The following PDLIM2 variants were observed in gnomAD, a reference collection of about 807,000 sequenced individuals.
PDLIM2 encodes PDZ and LIM domain 2.
A neutral mutation model predicts 54.1 loss-of-function variants in PDLIM2; 51 were observed. That is an observed-to-expected ratio of 0.94 (90% CI 0.75 to 1.19). The LOEUF is 1.19. PDLIM2 is among the 50% of genes most tolerant of loss of function. The pLI is 0.00. For synonymous variants in PDLIM2, 398 were observed against 385.6 expected, an observed-to-expected ratio of 1.03 and a Z score of -0.38; for missense variants, 912 against 874.0, an observed-to-expected ratio of 1.04 and a Z score of -0.55.
At chr8:22,585,242 G>A in intron 5 of PDLIM2, 79 bp from the exon 5 acceptor site, 2 of 1,602,000 alleles carry the variant, frequency 1.2e-6, no homozygotes, top group Non-Finnish European at 1.7e-6. Context: ...CAGGAGCTCT[G>A]CTTGGGAGCC....
At chr8:22,580,569 C>A in intron 1 of PDLIM2, 1 of 1,613,570 alleles carries the variant, frequency 6.2e-7, no homozygotes, top group Non-Finnish European at 8.5e-7. Context: ...CGGCTAGGGG[C>A]ATGGACTTCA....
At position 22,591,544 on chromosome 8, in the gene PDLIM2, C is replaced by T. The variant is rs371840605; in HGVS notation, c.1514-7C>T. On this transcript the variant is annotated splice_region_variant and splice_polypyrimidine_tract_variant and intron_variant, in intron 8 of 9. Transcript: ENST00000308354. ...TCTCACCACATGTCTGTCTGCCCTG[C>T]CCCCAGGTGGCACGCCAGCCTTCTT... 3.7e-4 allele frequency: 601 copies of T among 1,611,750 alleles called. 10 individuals are homozygous for T. The South Asian group carries it at 5.4e-3, about 14-fold the overall frequency.
exon 1 of PDLIM2, chr8:22,579,055 T>TAGGGGCGGCGGC (rs1270563802): frequency 5.8e-5 from 72 of 1,248,718 alleles, no homozygotes; most frequent in Non-Finnish European, 6.5e-5. Flanking sequence ...CTTCTCGGGC[T>TAGGGGCGGCGGC]AGGGGCGGCG....
intron 8 of PDLIM2, chr8:22,590,409 A>T (rs1191383998): frequency 2.6e-5 from 4 of 152,376 alleles, no homozygotes; most frequent in Admixed American, 6.5e-5. Flanking sequence ...GAGTTTGGGG[A>T]TAGGTGGCCA....
chr8:22,596,310 C>T (rs1007771028), downstream of PDLIM2: 1 of 152,204 alleles, frequency 6.6e-6, no homozygotes, highest in African/African-American at 2.4e-5. Flanking sequence ...TTGTAGGTTC[C>T]AGCTCAAATC....
Position 22,589,612 on chromosome 8 carries a change from G to A in PDLIM2, c.1384G>A (p.Gly462Arg), listed in dbSNP as rs1394541286. 5 of 1,602,684 alleles carry A rather than the reference G, an allele frequency of 3.1e-6. No individual in the cohort carries two copies. Among genetic ancestry groups the A allele is most frequent in the Middle Eastern group, 1.6e-4 (1 of 6,064 alleles). ...ACCCTGCAGCATGGACTCGGAAGGG[G>A]GAAGCCTCCTCCTGGACGAGGACTC... Residue 462 changes from glycine to arginine, a missense_variant, in exon 8 of 10, where the codon GGA becomes AGA. Gly to Arg is a moderately radical substitution (Grantham distance 125). Coordinates refer to ENST00000308354, the Ensembl canonical transcript of PDLIM2.
At chr8:22,581,268 G>A (rs896053465) in intron 2 of PDLIM2, 111 bp from the exon 2 acceptor site, 3 of 1,386,096 alleles carry the variant, frequency 2.2e-6, no homozygotes, top group Admixed American at 4.2e-5. Flanking sequence ...ATGCAGGAGG[G>A]TGCAGGCCGG....
At chr8:22,579,545 C>T in intron 1 of PDLIM2, 1 of 1,445,982 alleles carries the variant, frequency 6.9e-7, no homozygotes, top group Non-Finnish European at 9.1e-7. Flanking sequence ...AATCTCGGGG[C>T]GGCCGCGAGC....
chr8:22,594,693 G>GC, downstream of PDLIM2: 1 of 1,577,104 alleles, frequency 6.3e-7, no homozygotes, highest in South Asian at 1.2e-5. Context: ...CAAGGGTTGG[G>GC]CCCCCGGGGC....
intron 8 of PDLIM2, chr8:22,589,949 C>G (rs1478751646): frequency 3.2e-6 from 2 of 625,610 alleles, no homozygotes; most frequent in African/African-American, 3.7e-5. Flanking sequence ...CCAGCGTGCT[C>G]CCACAGAGTA....
At chr8:22,586,969 G>A (rs1272212407) in intron 6 of PDLIM2, among the ~76,000 whole-genome samples, 1 of 152,166 alleles carries the variant, frequency 6.6e-6, no homozygotes, top group Admixed American at 6.5e-5. Flanking sequence ...TCTGCCTGAC[G>A]ACTTGGACCA....
chr8:22,581,532 T>C lies in PDLIM2; in HGVS notation c.995+2T>C. ...GCCCCTGCGGCTGCAGCTGGACCGG[T>C]AGGGCCTCCCGCTCTGCAGAGCCTG... is the stretch of plus-strand genomic sequence containing the variant. On this transcript the variant is annotated splice_donor_variant, in intron 3 of 9. Transcript: ENST00000308354. LOFTEE classifies it high-confidence loss of function. The C allele has an allele frequency of 1.9e-6, 3 of 1,573,404 alleles. No homozygotes were observed. The highest frequency in any genetic ancestry group is 2.6e-6 in the Non-Finnish European group (3 of 1,165,592).
At position 22,580,589 on chromosome 8, in the gene PDLIM2, C is replaced by A. The variant is rs1800158527; in HGVS notation, c.749-14C>A. ...AGGGGCATGGACTTCACCTCCTGGT[C>A]CTCTCTTCCTCAGGTATGGCGTTGA... On this transcript the variant is annotated splice_polypyrimidine_tract_variant and intron_variant, in intron 1 of 9. Transcript: ENST00000308354. The A allele has an allele frequency of 1.9e-6, 3 of 1,613,942 alleles. No individual in the cohort carries two copies. The East Asian group carries it at 6.7e-5, about 36-fold the overall frequency.
chr8:22,589,123 C>T (rs1800458131), intron 6 of PDLIM2, 175 bp from the exon 6 acceptor site: 3 of 528,214 alleles, frequency 5.7e-6, no homozygotes, highest in African/African-American at 2.2e-5. Context: ...CGCTGGTCGG[C>T]GAGGGCTGGG....
downstream of PDLIM2, chr8:22,595,509 G>A (rs1479431016): frequency 1.3e-5 from 2 of 152,282 alleles, no homozygotes; most frequent in African/African-American, 2.4e-5. Context: ...GAGGTAGAAG[G>A]CCAGTGGCAG....
At chr8:22,589,106 G>A in intron 6 of PDLIM2, 192 bp from the exon 6 acceptor site, 1 of 497,124 alleles carries the variant, frequency 2.0e-6, no homozygotes, top group Non-Finnish European at 3.7e-6. Context: ...GGAAGGGGCA[G>A]GGGGCCCGCT....
exon 8 of PDLIM2, chr8:22,589,682 C>T (rs533019720): frequency 1.2e-5 from 19 of 1,574,872 alleles, no homozygotes; most frequent in African/African-American, 1.1e-4. Context: ...GGACGGGCGG[C>T]CCCCCGACAG....
chr8:22,593,479 G>C, intron 9 of PDLIM2: 1 of 478,884 alleles, frequency 2.1e-6, no homozygotes, highest in South Asian at 3.3e-5. Context: ...CAGGAGGCTG[G>C]TGCAGGAGTA....
intron 9 of PDLIM2, 86 bp downstream of exon 8, chr8:22,591,754 G>A (rs1186872718): frequency 1.4e-5 from 17 of 1,241,730 alleles, no homozygotes; most frequent in African/African-American, 9.0e-5. Context: ...AGGAAGGGCC[G>A]GGCCCATCAG....
Sources: allele counts gnomAD v4.1 joint callset (sites outside exome capture counted in the v4.1 genomes callset), GRCh38; gene constraint gnomAD v4.1.1; transcripts MANE v1.5; gene names NCBI Gene and HGNC (gene_info 2026-07-23, HGNC 2026-07-21).